Variants in CACNA2D2 observed in about 807,000 individuals in gnomAD.
CACNA2D2 encodes the protein calcium voltage-gated channel auxiliary subunit alpha2delta 2.
CACNA2D2 carries 48 observed loss-of-function variants against 166.4 expected under a neutral mutation model. That is an observed-to-expected ratio of 0.29 (90% CI 0.23 to 0.37). CACNA2D2 has a LOEUF of 0.37. CACNA2D2 is among the 10% of genes least tolerant of loss of function. The pLI is 1.00. For missense variants in CACNA2D2, 1,122 were observed against 1,433.0 expected, an observed-to-expected ratio of 0.78 and a Z score of 3.50; for synonymous variants, 561 against 573.7, an observed-to-expected ratio of 0.98 and a Z score of 0.32.
intron 2 of CACNA2D2, among the ~76,000 whole-genome samples, chr3:50,452,003 G>C (rs895486444): frequency 6.6e-6 from 1 of 152,166 alleles, no homozygotes; most frequent in Non-Finnish European, 1.5e-5. Context: ...GCATCACCCA[G>C]ATTACCCCTT....
intron 1 of CACNA2D2, among the ~76,000 whole-genome samples, chr3:50,488,563 G>A (rs1194965268): frequency 6.6e-6 from 1 of 151,834 alleles, no homozygotes; most frequent in East Asian, 1.9e-4. Context: ...TGGGGATATT[G>A]TTATTACCCA....
intron 1 of CACNA2D2, among the ~76,000 whole-genome samples, chr3:50,481,466 G>T (rs932374136): frequency 1.3e-5 from 2 of 152,140 alleles, no homozygotes; most frequent in African/African-American, 4.8e-5. Flanking sequence ...GCTGCGCTTC[G>T]TGAGGGAGTG....
chr3:50,422,168 G>A (rs1159209653), intron 3 of CACNA2D2, among the ~76,000 whole-genome samples: 1 of 151,966 alleles, frequency 6.6e-6, no homozygotes, highest in Non-Finnish European at 1.5e-5. Context: ...CCCTAGCTCT[G>A]GCTTCAGGCC....
chr3:50,410,485 G>A (rs530108717), intron 3 of CACNA2D2, among the ~76,000 whole-genome samples: 1,652 of 152,138 alleles, frequency 0.011, 31 homozygotes, highest in South Asian at 0.042. Context: ...TGGGATGGGG[G>A]GGGGGGTGTT....
chr3:50,403,797 G>A (rs1303374050), intron 3 of CACNA2D2, among the ~76,000 whole-genome samples: 2 of 152,206 alleles, frequency 1.3e-5, no homozygotes, highest in African/African-American at 4.8e-5. Flanking sequence ...CAAGCCTGGA[G>A]TGTCCTTTCT....
intron 1 of CACNA2D2, among the ~76,000 whole-genome samples, chr3:50,493,600 T>G (rs980433515): frequency 2.0e-5 from 3 of 152,180 alleles, no homozygotes; most frequent in Non-Finnish European, 4.4e-5. Flanking sequence ...GTTGGCTCCC[T>G]GTCAGGGGAT....
chr3:50,466,298 T>C (rs1709828389), intron 2 of CACNA2D2, among the ~76,000 whole-genome samples: 2 of 150,614 alleles, frequency 1.3e-5, no homozygotes, highest in Non-Finnish European at 3.0e-5. Context: ...GTGTGTGTGC[T>C]CCTCACCCAC....
At chr3:50,445,374 G>T (rs1315585956) in intron 2 of CACNA2D2, among the ~76,000 whole-genome samples, 14 of 152,174 alleles carry the variant, frequency 9.2e-5, no homozygotes, top group Admixed American at 7.9e-4. Context: ...TAAGGCAGTA[G>T]GCACCAGAGT....
chr3:50,387,588 C>A lies in CACNA2D2; in HGVS notation c.490G>T (p.Ala164Ser), dbSNP rs1434730003. Residue 164 changes from alanine (A) to serine (S), a missense_variant, in exon 5 of 38, where the codon GCC becomes TCC. Around this residue, in one of 2 missense-constraint regions of CACNA2D2, gnomAD observed 840 missense variants for 1,166.8 expected, o/e 0.72. Coordinates refer to ENST00000424201, the MANE Select transcript of CACNA2D2 (RefSeq NM_006030.4). ...CTCACCAGCTCAGCGTCAGCCTTGGCGTCATAGTACACGATGTCTTCCTCC... is the reference window on the plus strand; with the variant it reads ...CTCACCAGCTCAGCGTCAGCCTTGGAGTCATAGTACACGATGTCTTCCTCC... Reference protein sequence around the residue: ...IKEEDIVYYDAKADAELDDPE... With the variant: ...IKEEDIVYYDSKADAELDDPE... 3 of 1,613,594 alleles carry A rather than the reference C, an allele frequency of 1.9e-6. No individual in the cohort carries two copies. The highest frequency in any genetic ancestry group is 2.5e-6 in the Non-Finnish European group (3 of 1,179,768).
At position 50,379,492 on chromosome 3, in the gene CACNA2D2, C is replaced by G; in HGVS notation, c.1092G>C (p.Val364=). Residue 364 remains valine, a synonymous_variant, in exon 11 of 38, where the codon GTG becomes GTC. Coordinates refer to ENST00000424201, the MANE Select transcript of CACNA2D2 (RefSeq NM_006030.4). The surrounding 1 kb of genome is among the most constrained non-coding windows in gnomAD (Gnocchi z 6.5). ...KVFKEAVQGM[V]AKGTTGYKAG... ...CCTTGTAGCCTGTGGTGCCCTTGGCCACCATGCCCTGCACAGCTTCCTTGA... is the reference window on the plus strand; with the variant it reads ...CCTTGTAGCCTGTGGTGCCCTTGGCGACCATGCCCTGCACAGCTTCCTTGA... The G allele has an allele frequency of 1.2e-6, 2 of 1,614,010 alleles. No individual in the cohort carries two copies. Among genetic ancestry groups the G allele is most frequent in the South Asian group, 1.1e-5 (1 of 91,084 alleles).
chr3:50,476,785 G>A (rs1057195390), intron 1 of CACNA2D2, among the ~76,000 whole-genome samples: 5 of 152,134 alleles, frequency 3.3e-5, no homozygotes, highest in African/African-American at 7.2e-5. Flanking sequence ...ACGCTTACCC[G>A]AGGCTCATTG....
intron 2 of CACNA2D2, among the ~76,000 whole-genome samples, chr3:50,461,474 A>C (rs1440792468): frequency 6.6e-6 from 1 of 152,222 alleles, no homozygotes; most frequent in Non-Finnish European, 1.5e-5. Context: ...GTGGTGGCTC[A>C]TGCCTGTAAT....
intron 1 of CACNA2D2, among the ~76,000 whole-genome samples, chr3:50,490,694 G>A (rs1250642898): frequency 3.3e-5 from 5 of 152,192 alleles, no homozygotes; most frequent in Non-Finnish European, 7.3e-5. Flanking sequence ...CACAGACCAT[G>A]GGCTCCCTGT....
chr3:50,382,051 C>T (rs1215920985), intron 6 of CACNA2D2, among the ~76,000 whole-genome samples: 2 of 151,286 alleles, frequency 1.3e-5, no homozygotes, highest in African/African-American at 4.9e-5. Flanking sequence ...GAATGGACTC[C>T]AATCCTGCGG....
Position 50,377,529 on chromosome 3 carries a change from G to C in CACNA2D2, c.1564C>G (p.Leu522Val), listed in dbSNP as rs1705054853. 3 of 1,613,358 alleles carry C rather than the reference G, an allele frequency of 1.9e-6. No individual in the cohort carries two copies. The East Asian group carries it at 6.7e-5, about 36-fold the overall frequency. Residue 522 changes from leucine to valine, a missense_variant, in exon 17 of 38, where the codon CTG becomes GTG. Around this residue, in one of 2 missense-constraint regions of CACNA2D2, gnomAD observed 840 missense variants for 1,166.8 expected, o/e 0.72. Coordinates refer to ENST00000424201, the MANE Select transcript of CACNA2D2 (RefSeq NM_006030.4). ...GCCACGTCAATGCCCATCACGCCCA[G>C]GATCAGCTGGTTCTGGGAGCAGAAG... Reference protein sequence around the residue: ...GPGEKKNQLILGVMGIDVALN... With the variant: ...GPGEKKNQLIVGVMGIDVALN...
chr3:50,460,040 G>C (rs981370267), intron 2 of CACNA2D2, among the ~76,000 whole-genome samples: 3 of 152,028 alleles, frequency 2.0e-5, no homozygotes, highest in Non-Finnish European at 1.5e-5. Flanking sequence ...GTCAACCCCC[G>C]ACACCCCTGC....
chr3:50,406,280 T>C (rs1199231974), intron 3 of CACNA2D2, among the ~76,000 whole-genome samples: 1 of 151,800 alleles, frequency 6.6e-6, no homozygotes, highest in African/African-American at 2.4e-5. Context: ...TTTCTGTCAA[T>C]TTGCATCTCA....
In CACNA2D2 at chr3:50,367,106, A is replaced by G; in HGVS notation, c.2405T>C (p.Leu802Pro). Reference protein sequence around the residue: ...YVFKPPHQDALLRPLELENDT... With the variant: ...YVFKPPHQDAPLRPLELENDT... ...ATTCTCCAGCTCCAGCGGCCTTAAC[A>G]GGGCTGGGGGTTGGGTGGGGAAGTC... is the stretch of plus-strand genomic sequence containing the variant. Residue 802 changes from leucine to proline, a missense_variant, in exon 28 of 38, where the codon CTG becomes CCG. By Grantham distance (98) the Leu-to-Pro change is moderately conservative. Around this residue, in one of 2 missense-constraint regions of CACNA2D2, gnomAD observed 840 missense variants for 1,166.8 expected, o/e 0.72. Transcript: ENST00000424201. This position sits in a 1 kb window ranked among gnomAD's most constrained non-coding sequence, Gnocchi z 6.5. 1.3e-6 allele frequency: 2 copies of G among 1,591,600 alleles called. No individual in the cohort carries two copies. Among genetic ancestry groups the G allele is most frequent in the Non-Finnish European group, 1.7e-6 (2 of 1,160,836 alleles).
intron 1 of CACNA2D2, among the ~76,000 whole-genome samples, chr3:50,478,344 T>C (rs1198142851): frequency 6.6e-6 from 1 of 152,174 alleles, no homozygotes; most frequent in Admixed American, 6.5e-5. Flanking sequence ...GCTCCTGCGA[T>C]GGAGCCCTGG....
Sources: allele counts gnomAD v4.1 joint callset (sites outside exome capture counted in the v4.1 genomes callset), GRCh38; gene constraint gnomAD v4.1.1; regional missense constraint gnomAD v4.1.1; non-coding constraint Gnocchi (gnomAD v3.1); transcripts MANE v1.5; gene names NCBI Gene and HGNC (gene_info 2026-07-23, HGNC 2026-07-21).